The following EBF3 variants were observed in gnomAD, a reference collection of about 807,000 sequenced individuals.
EBF3 encodes the protein transcription factor COE3.
Under a neutral mutation model 77.1 loss-of-function variants are expected in EBF3, and 18 were observed. The observed-to-expected ratio is 0.23, with a 90% confidence interval of 0.16 to 0.35. The LOEUF is 0.35. EBF3 is among the 10% of genes least tolerant of loss of function. The pLI is 1.00. For missense variants in EBF3, 558 were observed against 860.0 expected, an observed-to-expected ratio of 0.65 and a Z score of 4.39; for synonymous variants, 350 against 343.5, an observed-to-expected ratio of 1.02 and a Z score of -0.21.
At chr10:129,856,148 G>A (rs2134014019) in intron 10 of EBF3, among the ~76,000 whole-genome samples, 1 of 152,336 alleles carries the variant, frequency 6.6e-6, no homozygotes, top group Admixed American at 6.5e-5. Flanking sequence ...CCTACTCAGT[G>A]CGATGTGCAC....
chr10:129,910,842 A>G (rs1855479353), intron 6 of EBF3, among the ~76,000 whole-genome samples: 1 of 152,138 alleles, frequency 6.6e-6, no homozygotes, highest in Non-Finnish European at 1.5e-5. Flanking sequence ...TGGCCTCTGC[A>G]TGGTCACGTG....
chr10:129,957,392 T>TTTC, intron 5 of EBF3, 66 bp from the exon 6 acceptor site: 1 of 1,432,888 alleles, frequency 7.0e-7, no homozygotes, highest in South Asian at 1.3e-5. Context: ...ACTTGTATTT[T>TTTC]TTTTTTTTTC....
rs1276430416 is a variant in EBF3 at position 129,864,317 on chromosome 10, C to T, written c.1039+2824G>A. On this transcript the variant is annotated intron_variant, in intron 10 of 16. Transcript: ENST00000440978. The surrounding 1 kb of genome is among the most constrained non-coding windows in gnomAD (Gnocchi z 4.4). Reference sequence around the variant, plus strand: ...GCTGACATCACAGGCTCCGCCACACCATGTGATACCTGCCAGCCAGTGACA... The same window carrying T: ...GCTGACATCACAGGCTCCGCCACACTATGTGATACCTGCCAGCCAGTGACA... Among the ~76,000 whole-genome samples, 2 of 152,132 alleles carry T rather than the reference C, an allele frequency of 1.3e-5. No homozygotes were observed. The highest frequency in any genetic ancestry group is 1.9e-4 in the East Asian group (1 of 5,180).
chr10:129,923,823 T>C (rs1856468647), intron 6 of EBF3, among the ~76,000 whole-genome samples: 1 of 152,070 alleles, frequency 6.6e-6, no homozygotes, highest in Non-Finnish European at 1.5e-5. Flanking sequence ...GTTTTGTACA[T>C]CAAAAGATTC....
chr10:129,880,428 CAG>C (rs1249930534), intron 6 of EBF3, among the ~76,000 whole-genome samples: 1 of 152,176 alleles, frequency 6.6e-6, no homozygotes, highest in African/African-American at 2.4e-5. Flanking sequence ...TGCACACATG[CAG>C]ACACACACGC....
At chr10:129,934,427 T>A (rs751679492) in intron 6 of EBF3, among the ~76,000 whole-genome samples, 1 of 152,080 alleles carries the variant, frequency 6.6e-6, no homozygotes, top group East Asian at 1.9e-4. Flanking sequence ...GCCCAATAAA[T>A]ACCAGTGGCT....
chr10:129,838,692 A>C (rs975827896), intron 16 of EBF3, among the ~76,000 whole-genome samples: 2 of 152,218 alleles, frequency 1.3e-5, no homozygotes, highest in Non-Finnish European at 2.9e-5. Flanking sequence ...GTAATTTAAA[A>C]TCTTTTACCG....
In EBF3 at chr10:129,944,992, T is replaced by C. The variant is rs1858065832; in HGVS notation, c.554+12266A>G. ...CATGATGCATTTCTTGGTAAACTGATTTTGCAAGGAAATTCTTTGAATTCG... is the reference window on the plus strand; with the variant it reads ...CATGATGCATTTCTTGGTAAACTGACTTTGCAAGGAAATTCTTTGAATTCG... On this transcript the variant is annotated intron_variant, in intron 6 of 16. Coordinates refer to ENST00000440978, the MANE Select transcript of EBF3 (RefSeq NM_001375380.1). This position sits in a 1 kb window ranked among gnomAD's most constrained non-coding sequence, Gnocchi z 5.1. 6.8e-6 allele frequency among the ~76,000 whole-genome samples: 1 copy of C among 147,282 alleles called. No homozygotes were observed. The highest frequency in any genetic ancestry group is 1.5e-5 in the Non-Finnish European group (1 of 67,178).
chr10:129,846,820 G>A (rs1427472060), intron 11 of EBF3, among the ~76,000 whole-genome samples: 3 of 152,126 alleles, frequency 2.0e-5, no homozygotes, highest in African/African-American at 7.2e-5. Context: ...AAAGAGCTAA[G>A]TAATATGGGG....
chr10:129,840,946 T>G lies in EBF3; in HGVS notation c.1459A>C (p.Ser487Arg). The G allele has an allele frequency of 6.2e-7, 1 of 1,613,998 alleles. No homozygotes were observed. Among genetic ancestry groups the G allele is most frequent in the Non-Finnish European group, 8.5e-7 (1 of 1,180,020 alleles). ...TPQQSNYNTV[S>R]TSMNGYGSGA... Reference sequence around the variant, plus strand: ...CTTCCATATCCATTCATGCTAGTGCTGACTGTGTTGTAATTGGACTGCTGG... The same window carrying G: ...CTTCCATATCCATTCATGCTAGTGCGGACTGTGTTGTAATTGGACTGCTGG... Residue 487 changes from serine to arginine, a missense_variant, in exon 14 of 17, where the codon AGC becomes CGC. Transcript: ENST00000440978.
At chr10:129,932,654 C>A (rs1244788654) in intron 6 of EBF3, among the ~76,000 whole-genome samples, 1 of 148,966 alleles carries the variant, frequency 6.7e-6, no homozygotes, top group Admixed American at 6.7e-5. Context: ...ATACTTCTTG[C>A]CACGCAATTT....
rs534601405 is a variant in EBF3 at position 129,910,127 on chromosome 10, C to A, written c.555-32278G>T. 9.8e-4 allele frequency among the ~76,000 whole-genome samples: 149 copies of A among 152,310 alleles called. 1 individual carries two copies. The highest frequency in any genetic ancestry group is 4.7e-4 in the Non-Finnish European group (32 of 68,038). ...AGCCCGCCCGGGGCTGGAGCCCACT[C>A]GGACCGCCGGGCCAGGGGCCATGTG... On this transcript the variant is annotated intron_variant, in intron 6 of 16. Coordinates refer to ENST00000440978, the MANE Select transcript of EBF3 (RefSeq NM_001375380.1).
At chr10:129,921,698 T>G (rs550755762) in intron 6 of EBF3, among the ~76,000 whole-genome samples, 1 of 152,290 alleles carries the variant, frequency 6.6e-6, no homozygotes, top group Non-Finnish European at 1.5e-5. Context: ...GCACCTGGCC[T>G]GAAGAGAGGA....
rs939708961 is a variant in EBF3, at chr10:129,963,620, G to C, written c.134+15C>G. ...GGGGCCGGGGCCAGGGCGCGCGGGGGCGGCCGGTACGTACCTCTGGGCGGC... is the reference window on the plus strand; with the variant it reads ...GGGGCCGGGGCCAGGGCGCGCGGGGCCGGCCGGTACGTACCTCTGGGCGGC... On this transcript the variant is annotated intron_variant, in intron 1 of 16. Transcript: ENST00000440978. This position sits in a 1 kb window ranked among gnomAD's most constrained non-coding sequence, Gnocchi z 7.1. 7.4e-7 allele frequency: 1 copy of C among 1,356,770 alleles called. No homozygotes were observed. Among genetic ancestry groups the C allele is most frequent in the Non-Finnish European group, 9.6e-7 (1 of 1,036,484 alleles). 84.0% of individuals were successfully genotyped at this position (1,356,770 alleles called of 1,614,324 possible).
At chr10:129,954,031 C>T (rs1032237724) in intron 6 of EBF3, among the ~76,000 whole-genome samples, 12 of 152,108 alleles carry the variant, frequency 7.9e-5, no homozygotes, top group African/African-American at 2.4e-4. Context: ...CATTATTCCA[C>T]GAGGAAAATG....
In EBF3 at chr10:129,840,839, C is replaced by A; in HGVS notation, c.1561+5G>T. 1 of 1,610,006 alleles carries A rather than the reference C, an allele frequency of 6.2e-7. No homozygotes were observed. The highest frequency in any genetic ancestry group is 1.1e-5 in the South Asian group (1 of 90,704). On this transcript the variant is annotated splice_donor_5th_base_variant and intron_variant, in intron 14 of 16. Transcript: ENST00000440978. ...TGATGACGTGTGACAAAAACAGACA[C>A]TTACTGCCGTAGGGAGAGTTAGCGG...
At chr10:129,878,535 G>A (rs1367575514) in intron 6 of EBF3, among the ~76,000 whole-genome samples, 2 of 151,922 alleles carry the variant, frequency 1.3e-5, no homozygotes, top group Non-Finnish European at 2.9e-5. Context: ...CAGGTGCGGT[G>A]GCATGTGCCT....
chr10:129,932,955 T>C (rs1339708625), intron 6 of EBF3, among the ~76,000 whole-genome samples: 1 of 147,348 alleles, frequency 6.8e-6, no homozygotes, highest in African/African-American at 2.5e-5. Flanking sequence ...CTGGGATGCA[T>C]TTCACTCTTG....
chr10:129,890,784 C>G (rs1158430008), intron 6 of EBF3, among the ~76,000 whole-genome samples: 1 of 152,188 alleles, frequency 6.6e-6, no homozygotes, highest in Non-Finnish European at 1.5e-5. Context: ...ACTTCATGCT[C>G]GTGATCTATT....
Sources: gnomAD v4.1 joint callset for allele counts (sites outside exome capture counted in the v4.1 genomes callset) on GRCh38, gnomAD v4.1.1 for gene constraint, Gnocchi (gnomAD v3.1) non-coding constraint, MANE v1.5 for transcripts, NCBI Gene and HGNC (gene_info 2026-07-23, HGNC 2026-07-21) for gene names.